Variants in ARNT observed in about 807,000 individuals in gnomAD.
The protein encoded by ARNT is aryl hydrocarbon receptor nuclear translocator.
In ARNT, 30 loss-of-function variants were observed where a neutral mutation model predicts 105.0. The observed-to-expected ratio is 0.29, with a 90% CI of 0.21 to 0.39. The LOEUF is 0.39. Among genes scored for constraint, ARNT ranks in the 10% least tolerant of loss-of-function variants. The pLI, the probability that ARNT is intolerant of heterozygous loss-of-function variation, is 1.00. For missense variants in ARNT, 748 were observed against 978.7 expected, an observed-to-expected ratio of 0.76 and a Z score of 3.15; for synonymous variants, 304 against 344.0, an observed-to-expected ratio of 0.88 and a Z score of 1.29.
intron 3 of ARNT, 55 bp downstream of exon 3, chr1:150,852,707 A>C: frequency 6.6e-7 from 1 of 1,517,626 alleles, no homozygotes; most frequent in South Asian, 1.1e-5. Flanking sequence ...AAGTATAAAG[A>C]TCATAAACTA....
intron 5 of ARNT, among the ~76,000 whole-genome samples, chr1:150,841,258 C>A (rs919282615): frequency 2.0e-5 from 3 of 151,562 alleles, no homozygotes; most frequent in Non-Finnish European, 4.4e-5. Flanking sequence ...CCTGCTTTAT[C>A]TCTTTTATTT....
intron 14 of ARNT, among the ~76,000 whole-genome samples, chr1:150,819,070 C>T (rs1442066833): frequency 6.6e-6 from 1 of 152,076 alleles, no homozygotes; most frequent in Non-Finnish European, 1.5e-5. Flanking sequence ...GTTCTAAAGA[C>T]TGAATTGGAC....
At position 150,839,430 on chromosome 1, in the gene ARNT, G is replaced by T. The variant is rs1470854557; in HGVS notation, c.486+11C>A. The T allele has an allele frequency of 5.0e-6, 8 of 1,613,884 alleles. No homozygotes were observed. The East Asian group carries it at 1.8e-4, about 36-fold the overall frequency. On this transcript the variant is annotated intron_variant, in intron 6 of 21. Transcript: ENST00000358595. ...ATTCCAGACTCTCTCAGAACTATAA[G>T]TCCCAGAGACCTGATCAGTGAGGAA... is the stretch of plus-strand genomic sequence containing the variant.
In ARNT at chr1:150,876,501, G is replaced by A. The variant is rs10305650; in HGVS notation, c.25+42C>T. ...GTCTCCTTAGTTGTCAGCCCCTTCG[G>A]CCCCTCCCCTTTAGAGGCGCCCCAG... On this transcript the variant is annotated intron_variant, in intron 1 of 21. Transcript: ENST00000358595. 17,818 of 1,547,072 alleles carry A rather than the reference G, an allele frequency of 0.012. 1,687 individuals are homozygous for A. The African/African-American group carries it at 0.21, about 18-fold the overall frequency.
Position 150,839,441 on chromosome 1 carries a change from C to CTGA in ARNT, c.483_485dup (p.Asp161_Gln162insHis). 6.2e-7 allele frequency: 1 copy of CTGA among 1,614,140 alleles called. No homozygotes were observed. Among genetic ancestry groups the CTGA allele is most frequent in the Non-Finnish European group, 8.5e-7 (1 of 1,180,008 alleles). ...TCTCAGAACTATAAGTCCCAGAGACCTGATCAGTGAGGAAAGACGGCTTAT... is the reference window on the plus strand; with the variant it reads ...TCTCAGAACTATAAGTCCCAGAGACCTGATGATCAGTGAGGAAAGACGGCTTAT... On this transcript the variant is annotated inframe_insertion and splice_region_variant, in exon 6 of 22. Transcript: ENST00000358595.
chr1:150,813,956 C>T, intron 20 of ARNT, 121 bp downstream of exon 20: 7 of 1,308,082 alleles, frequency 5.4e-6, no homozygotes, highest in Non-Finnish European at 7.4e-6. Context: ...TAGATTGTCA[C>T]CTTGCATTTC....
At chr1:150,855,724 A>G (rs1372960153) in intron 2 of ARNT, among the ~76,000 whole-genome samples, 3 of 150,860 alleles carry the variant, frequency 2.0e-5, no homozygotes, top group Non-Finnish European at 4.4e-5. Context: ...CAACGTAGTG[A>G]GACCATGTCT....
At position 150,835,248 on chromosome 1, in the gene ARNT, C is replaced by T. The variant is rs748991146; in HGVS notation, c.701-608G>A. 3.3e-5 allele frequency among the ~76,000 whole-genome samples: 5 copies of T among 150,392 alleles called. No individual in the cohort carries two copies. The South Asian group carries it at 6.3e-4, about 19-fold the overall frequency. ...GTTTGTCTTCTTTATTATACAGAAA[C>T]GAAGAACAACTTTTGGGGAAAAGGA... On this transcript the variant is annotated intron_variant, in intron 7 of 21. Transcript: ENST00000358595.
At chr1:150,817,799 G>T in intron 15 of ARNT, 121 bp downstream of exon 15, 1 of 754,012 alleles carries the variant, frequency 1.3e-6, no homozygotes, top group Non-Finnish European at 2.0e-6. Context: ...AGCAATGAGA[G>T]CAAAACTCCT....
chr1:150,817,554 T>C, intron 15 of ARNT, 121 bp from the exon 16 acceptor site: 1 of 926,746 alleles, frequency 1.1e-6, no homozygotes, highest in African/African-American at 1.7e-5. Context: ...ATGCCTGTAA[T>C]CCCAACACTT....
Position 150,826,528 on chromosome 1 carries a change from C to T in ARNT, c.1242+15G>A. ...GACAAATATTTATTCAGAACCAAAC[C>T]AGGAAAAAAGTTACCTGTTGGAAGC... On this transcript the variant is annotated intron_variant, in intron 13 of 21. Transcript: ENST00000358595. 6.2e-7 allele frequency: 1 copy of T among 1,602,160 alleles called. No individual in the cohort carries two copies. Among genetic ancestry groups the T allele is most frequent in the Non-Finnish European group, 8.5e-7 (1 of 1,170,452 alleles).
chr1:150,850,472 C>T (rs1189057099), intron 3 of ARNT, among the ~76,000 whole-genome samples: 4 of 151,644 alleles, frequency 2.6e-5, no homozygotes, highest in African/African-American at 7.2e-5. Flanking sequence ...TTGGTGGAGA[C>T]GGGGTTTCGC....
At chr1:150,833,052 AAGTC>A (rs1481954724) in intron 8 of ARNT, among the ~76,000 whole-genome samples, 2 of 152,238 alleles carry the variant, frequency 1.3e-5, no homozygotes, top group African/African-American at 2.4e-5. Context: ...CAACTTTATA[AAGTC>A]AGTATTAACA....
At chr1:150,841,611 C>T (rs1661316099) in intron 5 of ARNT, among the ~76,000 whole-genome samples, 1 of 152,164 alleles carries the variant, frequency 6.6e-6, no homozygotes, top group Non-Finnish European at 1.5e-5. Flanking sequence ...TTTCCTAAGT[C>T]ACCCCCAAAT....
At chr1:150,864,500 A>T (rs927860992) in intron 1 of ARNT, among the ~76,000 whole-genome samples, 1 of 151,392 alleles carries the variant, frequency 6.6e-6, no homozygotes, top group Non-Finnish European at 1.5e-5. Flanking sequence ...TTCTCAGTAA[A>T]CTATCGCAAG....
chr1:150,825,453 A>T (rs999252898), intron 13 of ARNT, among the ~76,000 whole-genome samples: 3 of 152,218 alleles, frequency 2.0e-5, no homozygotes, highest in African/African-American at 7.2e-5. Context: ...CGTTATCAAA[A>T]GCCATGTCTA....
intron 18 of ARNT, 152 bp downstream of exon 18, chr1:150,816,636 G>T: frequency 1.0e-6 from 1 of 975,452 alleles, no homozygotes. Flanking sequence ...GAAATAGGAG[G>T]AAGAAAAGCA....
chr1:150,838,676 A>G (rs1354048590), intron 6 of ARNT, among the ~76,000 whole-genome samples: 1 of 151,978 alleles, frequency 6.6e-6, no homozygotes, highest in African/African-American at 2.4e-5. Context: ...TCTTCCTTAT[A>G]CCTCCTACAT....
At chr1:150,830,485 T>C (rs1189470822) in intron 10 of ARNT, 1 of 152,686 alleles carries the variant, frequency 6.5e-6, no homozygotes, top group Non-Finnish European at 1.5e-5. Context: ...TTGTTTTAAG[T>C]ATTTACATAT....
Sources: allele counts gnomAD v4.1 joint callset (sites outside exome capture counted in the v4.1 genomes callset), GRCh38; gene constraint gnomAD v4.1.1; transcripts MANE v1.5; gene names NCBI Gene and HGNC (gene_info 2026-07-23, HGNC 2026-07-21).